The following ADCY1 variants were observed in gnomAD, a reference collection of about 807,000 sequenced individuals.
The protein encoded by ADCY1 is adenylate cyclase type 1.
A neutral mutation model predicts 105.4 loss-of-function variants in ADCY1; 28 were observed. The ratio of observed to expected loss-of-function variants is 0.27; its 90% CI spans 0.20 to 0.36. ADCY1 has a LOEUF of 0.36. Among genes scored for constraint, ADCY1 ranks in the 10% least tolerant of loss-of-function variants. The probability of loss-of-function intolerance (pLI) is 1.00; values close to 1 mark genes in which losing one functional copy is unlikely to be tolerated. For missense variants in ADCY1, 977 were observed against 1,434.2 expected (o/e 0.68, Z 5.15); for synonymous variants, 655 against 623.8 (o/e 1.05, Z -0.75).
At chr7:45,626,939 A>C (rs1794074178) in intron 4 of ADCY1, among the ~76,000 whole-genome samples, 2 of 152,098 alleles carry the variant, frequency 1.3e-5, no homozygotes, top group Admixed American at 6.5e-5. Context: ...GTTTTATAGC[A>C]CTAGAGGGCC....
At chr7:45,689,931 G>A (rs1175453232) in intron 14 of ADCY1, among the ~76,000 whole-genome samples, 2 of 152,254 alleles carry the variant, frequency 1.3e-5, no homozygotes, top group Non-Finnish European at 1.5e-5. Flanking sequence ...AACTGTGAGA[G>A]GAGTCAGAGT....
At chr7:45,683,821 A>T (rs114236772) in intron 11 of ADCY1, among the ~76,000 whole-genome samples, 92 of 152,298 alleles carry the variant, frequency 6.0e-4, no homozygotes, top group African/African-American at 2.0e-3. Flanking sequence ...AGGCTTTCTC[A>T]AAAGGAGAAT....
In ADCY1 at chr7:45,704,269, C is replaced by T. The variant is rs577500788; in HGVS notation, c.2719-249C>T. Among the ~76,000 whole-genome samples, 70 of 152,320 alleles carry T rather than the reference C, an allele frequency of 4.6e-4. No individual in the cohort carries two copies. In the South Asian group the frequency reaches 8.5e-3, roughly 19 times the overall value. On this transcript the variant is annotated intron_variant, in intron 16 of 19. Transcript: ENST00000297323. ...CAGGCACTGTGGCAGCCCCACCACGCCTTGTCATTGGACCTGATTCTCCTG... is the reference window on the plus strand; with the variant it reads ...CAGGCACTGTGGCAGCCCCACCACGTCTTGTCATTGGACCTGATTCTCCTG...
intron 14 of ADCY1, among the ~76,000 whole-genome samples, chr7:45,688,670 G>A (rs186250998): frequency 8.8e-4 from 134 of 152,216 alleles, no homozygotes; most frequent in African/African-American, 3.2e-3. Flanking sequence ...GTCTATATGT[G>A]TATCTATATA....
chr7:45,665,755 T>A (rs1200040391), intron 8 of ADCY1, among the ~76,000 whole-genome samples: 1 of 152,236 alleles, frequency 6.6e-6, no homozygotes, highest in Non-Finnish European at 1.5e-5. Flanking sequence ...GAGTCATTTC[T>A]AAGTGGCTGG....
At chr7:45,679,385 C>T (rs1784516192) in intron 10 of ADCY1, among the ~76,000 whole-genome samples, 1 of 152,222 alleles carries the variant, frequency 6.6e-6, no homozygotes, top group African/African-American at 2.4e-5. Flanking sequence ...AAACTCTTGT[C>T]TTTCCATCAT....
chr7:45,574,979 G>T lies in ADCY1; in HGVS notation c.436G>T (p.Ala146Ser). 6.2e-7 allele frequency: 1 copy of T among 1,610,896 alleles called. No individual in the cohort carries two copies. Among genetic ancestry groups the T allele is most frequent in the Non-Finnish European group, 8.5e-7 (1 of 1,179,054 alleles). The change falls in exon 1 of 20, where the codon GCC (alanine) becomes TCC (serine). Residue 146 changes from alanine (A) to serine (S), a missense_variant. Around this residue, in one of 7 missense-constraint regions of ADCY1, gnomAD observed 209 missense variants for 222.5 expected, o/e 0.94. Transcript: ENST00000297323. This position sits in a 1 kb window ranked among gnomAD's most constrained non-coding sequence, Gnocchi z 7.0. Reference sequence around the variant, plus strand: ...CTGTCCTTTCGCGCTGGGCGGCCCCGCCCGGGGTTCCGCCGGGGCCGCTGG... The same window carrying T: ...CTGTCCTTTCGCGCTGGGCGGCCCCTCCCGGGGTTCCGCCGGGGCCGCTGG... ...LCCPFALGGPARGSAGAAGGP... is the reference protein window; with the variant it reads ...LCCPFALGGPSRGSAGAAGGP...
rs1320878306 is a variant in ADCY1, at chr7:45,705,004, A to G, written c.2817+388A>G. On this transcript the variant is annotated intron_variant, in intron 17 of 19. Transcript: ENST00000297323. ...CATCAGCCTTGCACTCTCCTTTTCC[A>G]CAGTAGAACTATGAATAAATACAAA... Among the ~76,000 whole-genome samples, 34 of 137,948 alleles carry G rather than the reference A, an allele frequency of 2.5e-4. 1 individual carries two copies. The Admixed American group carries it at 2.5e-3, about 10-fold the overall frequency. 90.5% of individuals were successfully genotyped at this position (137,948 alleles called of 152,430 possible).
At chr7:45,587,773 T>C (rs1482596370) in intron 1 of ADCY1, among the ~76,000 whole-genome samples, 2 of 152,074 alleles carry the variant, frequency 1.3e-5, no homozygotes, top group South Asian at 4.1e-4. Flanking sequence ...ACTGGGGTGT[T>C]GGTTTTCAGC....
intron 7 of ADCY1, 91 bp downstream of exon 7, chr7:45,660,274 A>C: frequency 6.6e-7 from 1 of 1,521,704 alleles, no homozygotes; most frequent in South Asian, 1.2e-5. Context: ...CTTCCTCTCC[A>C]AGCACTGCTT....
intron 11 of ADCY1, chr7:45,680,788 GCCTATT>G (rs1275885063): frequency 6.6e-6 from 1 of 152,208 alleles, no homozygotes; most frequent in Non-Finnish European, 1.5e-5. Flanking sequence ...AGTTTTTAAA[GCCTATT>G]CCTTAGTCCT....
intron 14 of ADCY1, among the ~76,000 whole-genome samples, chr7:45,692,074 G>T (rs566303090): frequency 6.6e-6 from 1 of 152,306 alleles, no homozygotes; most frequent in East Asian, 1.9e-4. Context: ...TTTATGGAGG[G>T]ACAGATGGTT....
intron 19 of ADCY1, among the ~76,000 whole-genome samples, chr7:45,711,649 ACACACACG>A (rs71030889): frequency 3.5e-5 from 2 of 57,414 alleles, no homozygotes; most frequent in Non-Finnish European, 9.4e-5. Flanking sequence ...ATATATACAC[ACACACACG>A]TATGTATACA....
chr7:45,579,334 TCTGCTGGCCCTACCTCCC>T (rs1056458783), intron 1 of ADCY1, among the ~76,000 whole-genome samples: 5 of 151,934 alleles, frequency 3.3e-5, no homozygotes, highest in Non-Finnish European at 5.9e-5. Flanking sequence ...AGCCTCTCCC[TCTGCTGGCCCTACCTCCC>T]CTGCTGGCCC....
At chr7:45,590,795 C>T (rs1792892175) in intron 1 of ADCY1, among the ~76,000 whole-genome samples, 1 of 152,208 alleles carries the variant, frequency 6.6e-6, no homozygotes, top group Non-Finnish European at 1.5e-5. Context: ...TCACAGGTGA[C>T]AGCCATCCCG....
At chr7:45,637,681 C>T (rs1794428154) in intron 4 of ADCY1, among the ~76,000 whole-genome samples, 1 of 152,196 alleles carries the variant, frequency 6.6e-6, no homozygotes, top group African/African-American at 2.4e-5. Flanking sequence ...ACTATGATCA[C>T]ATCACTGGAC....
At chr7:45,667,210 A>G (rs1356580266) in intron 8 of ADCY1, among the ~76,000 whole-genome samples, 6 of 152,308 alleles carry the variant, frequency 3.9e-5, no homozygotes, top group African/African-American at 9.6e-5. Flanking sequence ...GCCCATGCCT[A>G]TGTCCTGAAT....
At chr7:45,679,897 G>A in intron 11 of ADCY1, 104 bp downstream of exon 11, 2 of 1,380,112 alleles carry the variant, frequency 1.4e-6, no homozygotes, top group African/African-American at 1.4e-5. Flanking sequence ...TATGAGGGTG[G>A]CCTGTGTCCT....
Position 45,703,087 on chromosome 7 carries a change from C to T in ADCY1, c.2455-289C>T, listed in dbSNP as rs1785032061. On this transcript the variant is annotated intron_variant, in intron 14 of 19. Coordinates refer to ENST00000297323, the MANE Select transcript of ADCY1 (RefSeq NM_021116.4). This position sits in a 1 kb window ranked among gnomAD's most constrained non-coding sequence, Gnocchi z 5.9. The stretch of plus-strand genomic sequence containing the variant: ...GAAAGAGTTGCTGTAGCATCTGGTC[C>T]CTAAGGGGTGGCGGAGGGCAGGGCG... Among the ~76,000 whole-genome samples the T allele has an allele frequency of 6.6e-6, 1 of 152,154 alleles. No individual in the cohort carries two copies. Among genetic ancestry groups the T allele is most frequent in the Non-Finnish European group, 1.5e-5 (1 of 68,026 alleles).
Sources: allele counts gnomAD v4.1 joint callset (sites outside exome capture counted in the v4.1 genomes callset), GRCh38; gene constraint gnomAD v4.1.1; regional missense constraint gnomAD v4.1.1; non-coding constraint Gnocchi (gnomAD v3.1); transcripts MANE v1.5; gene names NCBI Gene and HGNC (gene_info 2026-07-23, HGNC 2026-07-21).